Variants in ZNF346 observed in about 807,000 individuals in gnomAD.
ZNF346 encodes zinc finger protein 346.
ZNF346 carries 23 observed loss-of-function variants against 33.7 expected under a neutral mutation model. The ratio of observed to expected loss-of-function variants is 0.68; its 90% CI spans 0.49 to 0.97. The LOEUF is 0.97. Ranked by LOEUF, ZNF346 falls within the 50% of genes least tolerant of loss-of-function variation. ZNF346 has a pLI of 0.00. For missense variants in ZNF346, 340 were observed against 371.1 expected (o/e 0.92, Z 0.69); for synonymous variants, 134 against 142.4 (o/e 0.94, Z 0.42).
intron 1 of ZNF346, among the ~76,000 whole-genome samples, chr5:177,027,134 C>A (rs1346389693): frequency 1.3e-5 from 2 of 151,240 alleles, no homozygotes; most frequent in East Asian, 3.9e-4. Flanking sequence ...CTCACTGCAA[C>A]CTTTGCCTCC....
intron 5 of ZNF346, among the ~76,000 whole-genome samples, chr5:177,060,824 G>A (rs1782411843): frequency 1.0e-5 from 1 of 97,352 alleles, no homozygotes; most frequent in South Asian, 2.8e-4. Flanking sequence ...AAATAAATAA[G>A]TTGTGGGCTG....
At chr5:177,069,734 C>T (rs1434287922), downstream of ZNF346, among the ~76,000 whole-genome samples, 1 of 149,736 alleles carries the variant, frequency 6.7e-6, no homozygotes, top group Non-Finnish European at 1.5e-5. Context: ...TCTCTGTTGC[C>T]CAGGCTGGTC....
chr5:177,057,868 CTGGAGTGCAA>C (rs1388431160), intron 5 of ZNF346, among the ~76,000 whole-genome samples: 1 of 151,230 alleles, frequency 6.6e-6, no homozygotes, highest in African/African-American at 2.4e-5. Context: ...AATGCCCAGG[CTGGAGTGCAA>C]TGGCGCAATC....
At chr5:177,023,705 A>G (rs1028442390) in intron 1 of ZNF346, among the ~76,000 whole-genome samples, 1 of 152,202 alleles carries the variant, frequency 6.6e-6, no homozygotes, top group South Asian at 2.1e-4. Context: ...TGTCCTTTAC[A>G]GAGCCAGCTG....
At chr5:177,037,040 C>T (rs6881398) in intron 1 of ZNF346, among the ~76,000 whole-genome samples, 19,979 of 152,104 alleles carry the variant, frequency 0.13, 3,093 homozygotes, top group African/African-American at 0.37. Flanking sequence ...AAATTGCTCT[C>T]GGATTGTTAA....
intron 1 of ZNF346, 195 bp downstream of exon 1, chr5:177,023,108 G>A: frequency 6.8e-7 from 1 of 1,463,266 alleles, no homozygotes; most frequent in Non-Finnish European, 9.3e-7. Context: ...GTGAAGGGCC[G>A]CTCACGCTCA....
chr5:177,028,718 T>C (rs1416118386), intron 1 of ZNF346, among the ~76,000 whole-genome samples: 39 of 120,964 alleles, frequency 3.2e-4, no homozygotes, highest in African/African-American at 1.2e-3. Flanking sequence ...TTTTTTTTTT[T>C]TTTTTTTTTT....
chr5:177,038,169 G>T (rs901253903), intron 1 of ZNF346, among the ~76,000 whole-genome samples: 16 of 150,488 alleles, frequency 1.1e-4, no homozygotes, highest in Non-Finnish European at 2.4e-4. Flanking sequence ...GCTCACTGAA[G>T]CTTCAAACTT....
At chr5:177,035,114 T>A (rs1055873972) in intron 1 of ZNF346, among the ~76,000 whole-genome samples, 2 of 152,126 alleles carry the variant, frequency 1.3e-5, no homozygotes, top group African/African-American at 4.8e-5. Flanking sequence ...CCTCCTGGGT[T>A]CAAGTGATTC....
rs1249611298 is a variant in ZNF346 at position 177,026,537 on chromosome 5, T to C, written c.175+3624T>C. ...ACCACACCCAGCTAATTTTTTTGTA[T>C]TTTTAGTAGAGACAGAGTTTCACCA... On this transcript the variant is annotated intron_variant, in intron 1 of 6. Transcript: ENST00000358149. Among the ~76,000 whole-genome samples, 7 of 151,830 alleles carry C rather than the reference T, an allele frequency of 4.6e-5. No homozygotes were observed. The East Asian group carries it at 1.4e-3, about 29-fold the overall frequency.
rs185341240 is a variant in ZNF346 at position 177,048,878 on chromosome 5, C to T, written c.518-1873C>T. On this transcript the variant is annotated intron_variant, in intron 4 of 6. Transcript: ENST00000358149. The stretch of plus-strand genomic sequence containing the variant: ...TCAGCTTACTGCAGCCTCCGCCCAC[C>T]TGTTCAAGCAGTTCTCCTGCCTCAG... 2.7e-4 allele frequency among the ~76,000 whole-genome samples: 41 copies of T among 151,506 alleles called. 1 individual carries two copies. The East Asian group carries it at 7.8e-3, about 29-fold the overall frequency.
rs573135071 is a variant in ZNF346, at chr5:177,077,376, G to A, written c.*3-2006G>A. 5.9e-5 allele frequency among the ~76,000 whole-genome samples: 9 copies of A among 152,132 alleles called. No individual in the cohort carries two copies. Among genetic ancestry groups the A allele is most frequent in the Non-Finnish European group, 1.2e-4 (8 of 68,004 alleles). On this transcript the variant is annotated intron_variant, in intron 8 of 8. Transcript: ENST00000503039. The surrounding 1 kb of genome is among the most constrained non-coding windows in gnomAD (Gnocchi z 5.0). ...AAGGGTTTAAGAAAAAGGATTAGCC[G>A]AAGAAAAAATTATTTGGTTCACATA... is the stretch of plus-strand genomic sequence containing the variant.
intron 8 of ZNF346, among the ~76,000 whole-genome samples, chr5:177,076,320 A>C (rs1338390103): frequency 6.6e-6 from 1 of 152,262 alleles, no homozygotes; most frequent in East Asian, 1.9e-4. Context: ...CCAATGACAA[A>C]GATTCTTTGG....
intron 4 of ZNF346, among the ~76,000 whole-genome samples, chr5:177,046,319 A>C (rs1297895675): frequency 6.9e-6 from 1 of 144,694 alleles, no homozygotes; most frequent in Admixed American, 6.8e-5. Flanking sequence ...AAAAAAAAAA[A>C]CCAATTTTAT....
Position 177,022,775 on chromosome 5 carries a change from G to C in ZNF346, c.37G>C (p.Asp13His). ...CGCGCCGGCCACGGTGCAGGCCGCG[G>C]ACGGCGGAGCGGCCGGGCCTTACAG... ...YPAPATVQAA[D>H]GGAAGPYSSS... The change falls in exon 1 of 7, where the codon GAC becomes CAC. Residue 13 changes from aspartate (D) to histidine (H), a missense_variant. By Grantham distance (81) the Asp-to-His change is moderately conservative. Coordinates refer to ENST00000358149, the MANE Select transcript of ZNF346 (RefSeq NM_012279.4). 6.4e-7 allele frequency: 1 copy of C among 1,555,310 alleles called. No homozygotes were observed. Among genetic ancestry groups the C allele is most frequent in the South Asian group, 1.2e-5 (1 of 84,676 alleles).
chr5:177,073,705 C>T (rs981400034), intron 8 of ZNF346, among the ~76,000 whole-genome samples: 2 of 151,572 alleles, frequency 1.3e-5, no homozygotes, highest in African/African-American at 4.9e-5. Context: ...CTAGAAGAGG[C>T]GAGTTGTGGA....
chr5:177,044,121 G>A (rs1233576260), intron 3 of ZNF346, among the ~76,000 whole-genome samples: 3 of 151,952 alleles, frequency 2.0e-5, no homozygotes, highest in Non-Finnish European at 4.4e-5. Context: ...TGAAGGCTAA[G>A]CAGACACGCT....
chr5:177,025,033 A>G (rs1581766278), intron 1 of ZNF346, among the ~76,000 whole-genome samples: 2 of 152,348 alleles, frequency 1.3e-5, no homozygotes. Context: ...GCCAGTGTAC[A>G]GAGTTGTATA....
chr5:177,034,194 CCTTT>C (rs929799879), intron 1 of ZNF346, among the ~76,000 whole-genome samples: 10 of 136,936 alleles, frequency 7.3e-5, no homozygotes, highest in Non-Finnish European at 1.5e-4. Flanking sequence ...GCTTAAATTT[CCTTT>C]CTTTCTTTTT....
Sources: gnomAD v4.1 joint callset for allele counts (sites outside exome capture counted in the v4.1 genomes callset) on GRCh38, gnomAD v4.1.1 for gene constraint, Gnocchi (gnomAD v3.1) non-coding constraint, MANE v1.5 for transcripts, NCBI Gene and HGNC (gene_info 2026-07-23, HGNC 2026-07-21) for gene names.